The following PSG8 variants were observed in gnomAD, a reference collection of about 807,000 sequenced individuals.
PSG8 encodes the protein pregnancy-specific beta-1-glycoprotein 8.
PSG8 carries 57 observed loss-of-function variants against 42.5 expected under a neutral mutation model. The observed-to-expected ratio is 1.34, with a 90% CI of 1.08 to 1.67. The LOEUF is 1.67. Among genes scored for constraint, PSG8 ranks in the 40% most tolerant of loss-of-function variants. PSG8 has a pLI of 0.00. For missense variants in PSG8, 783 were observed against 518.6 expected, an observed-to-expected ratio of 1.51 and a Z score of -4.95; for synonymous variants, 280 against 196.8, an observed-to-expected ratio of 1.42 and a Z score of -3.54.
At chr19:42,764,971 T>C (rs1970178914) in intron 1 of PSG8, among the ~76,000 whole-genome samples, 1 of 152,072 alleles carries the variant, frequency 6.6e-6, no homozygotes, top group Non-Finnish European at 1.5e-5. Context: ...CTGATACAGT[T>C]ATTATTATCA....
intron 2 of PSG8, among the ~76,000 whole-genome samples, chr19:42,760,037 A>T (rs1321698475): frequency 6.6e-6 from 1 of 152,202 alleles, no homozygotes; most frequent in African/African-American, 2.4e-5. Context: ...AAATATAGAA[A>T]GAACTCCCTG....
At position 42,754,726 on chromosome 19, in the gene PSG8, C is replaced by T. The variant is rs1424573306; in HGVS notation, c.989-139G>A. 39 of 1,314,208 alleles carry T rather than the reference C, an allele frequency of 3.0e-5. No homozygotes were observed. In the Admixed American group the frequency reaches 1.1e-3, roughly 36 times the overall value. The allele number at this position is 1,314,208 out of a possible 1,614,324, so 81.4% of individuals were successfully genotyped here. On this transcript the variant is annotated intron_variant, in intron 4 of 4. Transcript: ENST00000306511. ...CCCAACCCCCTCTATGTTCACTGAG[C>T]CGAATCCTCAGGTATTCACCTGTTT...
intron 3 of PSG8, 91 bp from the exon 4 acceptor site, chr19:42,755,357 T>C (rs1969897592): frequency 1.9e-6 from 3 of 1,569,192 alleles, no homozygotes; most frequent in Non-Finnish European, 1.7e-6. Context: ...CTCCCACTTC[T>C]CAGCCCACCC....
Position 42,755,069 on chromosome 19 carries a change from T to A in PSG8, c.907A>T (p.Asn303Tyr). Residue 303 changes from asparagine (N) to tyrosine (Y), a missense_variant, in exon 4 of 5, where the codon AAT becomes TAT. Coordinates refer to ENST00000306511, the MANE Select transcript of PSG8 (RefSeq NM_182707.3). ...RILILPSVTRNETGPYQCEIR... is the reference protein window; with the variant it reads ...RILILPSVTRYETGPYQCEIR... Reference sequence around the variant, plus strand: ...TCACATTGATAGGGTCCTGTTTCATTTCTCGTGACACTGGGTAGAATGAGG... The same window carrying A: ...TCACATTGATAGGGTCCTGTTTCATATCTCGTGACACTGGGTAGAATGAGG... 1 of 1,612,566 alleles carries A rather than the reference T, an allele frequency of 6.2e-7. No homozygotes were observed. Among genetic ancestry groups the A allele is most frequent in the South Asian group, 1.1e-5 (1 of 91,022 alleles).
chr19:42,761,779 G>A (rs1348523972), intron 2 of PSG8, among the ~76,000 whole-genome samples: 2 of 146,112 alleles, frequency 1.4e-5, no homozygotes, highest in African/African-American at 2.5e-5. Context: ...CAGACTTGGA[G>A]TCGTTAAAAT....
chr19:42,753,749 A>T (rs955072341), downstream of PSG8, among the ~76,000 whole-genome samples: 10 of 152,172 alleles, frequency 6.6e-5, no homozygotes, highest in Admixed American at 6.5e-4. Flanking sequence ...CTATATCCTT[A>T]AATATAACAT....
Position 42,754,289 on chromosome 19 carries a change from C to G in PSG8, c.*6G>C. The G allele has an allele frequency of 6.2e-7, 1 of 1,612,342 alleles. No homozygotes were observed. The highest frequency in any genetic ancestry group is 8.5e-7 in the Non-Finnish European group (1 of 1,179,084). ...GACTCTTCCCTGAAGGCCAGATAGA[C>G]TCCACCTAAATCCCTATTGCCAAGG... On this transcript the variant is annotated 3_prime_UTR_variant, in exon 5 of 5. Transcript: ENST00000306511.
chr19:42,754,366 C>A lies in PSG8; in HGVS notation c.1210G>T (p.Glu404Ter), dbSNP rs1969856252. ...CSVRNSATGK[E>*]SSKSMTVKVS... ...TTTACTGTCATGGATTTGGAGCTTT[C>A]CTTGCCAGTGGCTGAGTTACGAACA... is the stretch of plus-strand genomic sequence containing the variant. Residue 404 changes from glutamate (E) to a stop codon, truncating the protein, a stop_gained, in exon 5 of 5, where the codon GAA (glutamate) becomes TAA (stop). Transcript: ENST00000306511. LOFTEE classifies it high-confidence loss of function. 1.1e-5 allele frequency: 18 copies of A among 1,613,808 alleles called. No homozygotes were observed. Among genetic ancestry groups the A allele is most frequent in the Non-Finnish European group, 1.5e-5 (18 of 1,179,792 alleles).
rs1235720638 is a variant in PSG8, at chr19:42,765,515, C to T, written c.64+3G>A. ...GTCCTCTCCCAGGAGGTTCTCTCCT[C>T]ACCTGTGAGCAGGAGCCCCTTCCAG... On this transcript the variant is annotated splice_donor_region_variant and intron_variant, in intron 1 of 4. Transcript: ENST00000306511. 11 of 1,610,700 alleles carry T rather than the reference C, an allele frequency of 6.8e-6. No individual in the cohort carries two copies. Among genetic ancestry groups the T allele is most frequent in the Non-Finnish European group, 8.5e-6 (10 of 1,177,788 alleles).
At chr19:42,764,540 T>C (rs1328905696) in intron 1 of PSG8, among the ~76,000 whole-genome samples, 2 of 151,972 alleles carry the variant, frequency 1.3e-5, no homozygotes, top group Non-Finnish European at 2.9e-5. Flanking sequence ...TTGGCATTTT[T>C]CTGTTTGCAA....
intron 3 of PSG8, 143 bp from the exon 4 acceptor site, chr19:42,755,409 A>C: frequency 6.9e-7 from 1 of 1,453,108 alleles, no homozygotes; most frequent in South Asian, 1.4e-5. Context: ...GTCACAAGAC[A>C]GATGCATGAT....
Position 42,764,218 on chromosome 19 carries a change from G to A in PSG8, c.128C>T (p.Thr43Ile). The A allele has an allele frequency of 1.2e-6, 2 of 1,613,756 alleles. No individual in the cohort carries two copies. The highest frequency in any genetic ancestry group is 1.1e-5 in the South Asian group (1 of 91,058). The change falls in exon 2 of 5, where the codon ACC becomes ATC. Residue 43 changes from threonine (T) to isoleucine (I), a missense_variant. By Grantham distance (89) the Thr-to-Ile change is moderately conservative. Transcript: ENST00000306511. ...AACATCCTTCCCCTCAGAAACTTTGGTTGGCTGGGCTTCAATCGTGACTTG... is the reference window on the plus strand; with the variant it reads ...AACATCCTTCCCCTCAGAAACTTTGATTGGCTGGGCTTCAATCGTGACTTG... The part of the protein sequence containing the change: ...TAQVTIEAQP[T>I]KVSEGKDVLL...
At chr19:42,764,405 CAA>C in intron 1 of PSG8, 124 bp from the exon 2 acceptor site, 1 of 1,441,260 alleles carries the variant, frequency 6.9e-7, no homozygotes, top group African/African-American at 1.4e-5. Flanking sequence ...CACACACATA[CAA>C]ACACACGCAC....
In PSG8 at chr19:42,765,661, G is replaced by C; in HGVS notation, c.-80C>G. ...CTTCCTGAGCACAGCTCTCAGCAGTGCTGTCCTGCCTCCTTCTGCGCTGAG... is the reference window on the plus strand; with the variant it reads ...CTTCCTGAGCACAGCTCTCAGCAGTCCTGTCCTGCCTCCTTCTGCGCTGAG... On this transcript the variant is annotated 5_prime_UTR_variant, in exon 1 of 5. Transcript: ENST00000306511. The C allele has an allele frequency of 1.3e-6, 2 of 1,563,994 alleles. No individual in the cohort carries two copies. Among genetic ancestry groups the C allele is most frequent in the East Asian group, 4.5e-5 (2 of 44,584 alleles).
chr19:42,757,226 C>G (rs1368338411), intron 3 of PSG8, among the ~76,000 whole-genome samples: 2 of 151,826 alleles, frequency 1.3e-5, no homozygotes, highest in Non-Finnish European at 1.5e-5. Flanking sequence ...AAACATATTC[C>G]CTGTCCTGGG....
intron 2 of PSG8, among the ~76,000 whole-genome samples, chr19:42,759,682 G>C (rs180988790): frequency 2.0e-5 from 3 of 152,184 alleles, no homozygotes; most frequent in African/African-American, 7.2e-5. Flanking sequence ...CCCATAAAAA[G>C]TTGTCAGGAG....
At chr19:42,752,899 T>C, downstream of PSG8, 1 of 274,580 alleles carries the variant, frequency 3.6e-6, no homozygotes, top group South Asian at 7.2e-5. Flanking sequence ...TTGGGAGTCC[T>C]GTATGCAAGG....
Position 42,765,629 on chromosome 19 carries a change from C to A in PSG8, c.-48G>T. ...TCCTCTGTGGAGATGAGCCTAGGAT[C>A]CAGAAGCTTCCTGAGCACAGCTCTC... is the stretch of plus-strand genomic sequence containing the variant. On this transcript the variant is annotated 5_prime_UTR_variant, in exon 1 of 5. Coordinates refer to ENST00000306511, the MANE Select transcript of PSG8 (RefSeq NM_182707.3). 2.5e-6 allele frequency: 4 copies of A among 1,598,464 alleles called. No individual in the cohort carries two copies. Among genetic ancestry groups the A allele is most frequent in the South Asian group, 1.1e-5 (1 of 90,700 alleles).
intron 3 of PSG8, chr19:42,755,592 C>T (rs554261883): frequency 4.8e-5 from 22 of 455,544 alleles, no homozygotes; most frequent in African/African-American, 3.5e-4. Context: ...CTGGCTCACC[C>T]TGGGTTCCTT....
Sources: allele counts gnomAD v4.1 joint callset (sites outside exome capture counted in the v4.1 genomes callset), GRCh38; gene constraint gnomAD v4.1.1; transcripts MANE v1.5; gene names NCBI Gene and HGNC (gene_info 2026-07-23, HGNC 2026-07-21).